DSCAM: variants seen among roughly 807,000 people sequenced by gnomAD.
The protein encoded by DSCAM is DS cell adhesion molecule.
Under a neutral mutation model 217.7 loss-of-function variants are expected in DSCAM, and 47 were observed. The ratio of observed to expected loss-of-function variants is 0.22; its 90% CI spans 0.17 to 0.28. The LOEUF (loss-of-function observed/expected upper bound fraction) is 0.28, where lower values mean the gene tolerates loss of function less well. Among genes scored for constraint, DSCAM ranks in the 10% least tolerant of loss-of-function variants. The pLI is 1.00. For synonymous variants in DSCAM, 1,056 were observed against 1,015.3 expected (o/e 1.04, Z -0.76); for missense variants, 2,080 against 2,618.3 (o/e 0.79, Z 4.49).
rs142018150 is a variant in DSCAM at position 40,640,654 on chromosome 21, G to C, written c.508+52156C>G. On this transcript the variant is annotated intron_variant, in intron 3 of 32. Transcript: ENST00000400454. ...GCTGGCGGAGGCTCTGGGAGCGCAGGTAAACAGGCCCAAGAGATGTGGAGA... is the reference window on the plus strand; with the variant it reads ...GCTGGCGGAGGCTCTGGGAGCGCAGCTAAACAGGCCCAAGAGATGTGGAGA... Among the ~76,000 whole-genome samples, 523 of 152,260 alleles carry C rather than the reference G, an allele frequency of 3.4e-3. 5 individuals carry two copies. The highest frequency in any genetic ancestry group is 0.011 in the African/African-American group (475 of 41,540).
intron 4 of DSCAM, among the ~76,000 whole-genome samples, chr21:40,359,321 C>T (rs182652784): frequency 3.4e-3 from 523 of 152,294 alleles, no homozygotes; most frequent in Non-Finnish European, 6.6e-3. Context: ...TCCTACAAAC[C>T]CACACATTTT....
chr21:40,061,569 C>CAAA (rs1223587491), intron 28 of DSCAM, among the ~76,000 whole-genome samples: 13 of 86,352 alleles, frequency 1.5e-4, no homozygotes, highest in Non-Finnish European at 3.4e-4. Context: ...AACTCTGTCC[C>CAAA]AAAAAAAAAA....
chr21:40,527,295 C>G (rs527385495), intron 3 of DSCAM, among the ~76,000 whole-genome samples: 1 of 152,320 alleles, frequency 6.6e-6, no homozygotes, highest in East Asian at 1.9e-4. Context: ...CTCCTCCTAT[C>G]AAGTCCCATA....
intron 3 of DSCAM, among the ~76,000 whole-genome samples, chr21:40,511,042 A>C (rs1384446913): frequency 6.6e-6 from 1 of 152,232 alleles, no homozygotes; most frequent in Admixed American, 6.5e-5. Flanking sequence ...ACCTTTAAAA[A>C]ATGTATCAGA....
At position 40,753,996 on chromosome 21, in the gene DSCAM, T is replaced by G. The variant is rs554601252; in HGVS notation, c.44-45225A>C. 5.8e-4 allele frequency among the ~76,000 whole-genome samples: 89 copies of G among 152,310 alleles called. No homozygotes were observed. In the South Asian group the frequency reaches 0.018, roughly 31 times the overall value. The stretch of plus-strand genomic sequence containing the variant: ...AATTGAAGGGGGTTGTGCAAGCATT[T>G]GACATTCTTTCAGTTGCTATGGGCA... On this transcript the variant is annotated intron_variant, in intron 1 of 32. Coordinates refer to ENST00000400454, the MANE Select transcript of DSCAM (RefSeq NM_001389.5).
chr21:40,750,682 G>A (rs949537468), intron 1 of DSCAM, among the ~76,000 whole-genome samples: 4 of 151,682 alleles, frequency 2.6e-5, no homozygotes, highest in South Asian at 2.1e-4. Flanking sequence ...ATCAGAAACC[G>A]AACATTCTTT....
intron 27 of DSCAM, among the ~76,000 whole-genome samples, chr21:40,070,769 A>G (rs1167448023): frequency 1.3e-5 from 2 of 152,204 alleles, no homozygotes; most frequent in Non-Finnish European, 2.9e-5. Context: ...ATGTCCTGTT[A>G]GTACTCAGAA....
intron 11 of DSCAM, among the ~76,000 whole-genome samples, chr21:40,213,801 A>C (rs7282613): frequency 6.6e-6 from 1 of 151,870 alleles, no homozygotes; most frequent in East Asian, 1.9e-4. Context: ...GGTTTTGACT[A>C]GGGGAATTTT....
intron 3 of DSCAM, among the ~76,000 whole-genome samples, chr21:40,572,719 T>G (rs1319432676): frequency 6.6e-6 from 1 of 152,182 alleles, no homozygotes; most frequent in Non-Finnish European, 1.5e-5. Flanking sequence ...CTTAAATGTG[T>G]ATGAACCTAA....
rs545355730 is a variant in DSCAM at position 40,712,902 on chromosome 21, C to T, written c.44-4131G>A. 5.3e-5 allele frequency among the ~76,000 whole-genome samples: 8 copies of T among 152,148 alleles called. No individual in the cohort carries two copies. In the East Asian group the frequency reaches 5.8e-4, roughly 11 times the overall value. ...TAGAGAGATGCTTACAAACTGTGGC[C>T]CCCCTTCCACTATGAACAGGAAAGC... On this transcript the variant is annotated intron_variant, in intron 1 of 32. Coordinates refer to ENST00000400454, the MANE Select transcript of DSCAM (RefSeq NM_001389.5).
At chr21:40,405,627 G>C (rs1374003843) in intron 3 of DSCAM, among the ~76,000 whole-genome samples, 1 of 152,122 alleles carries the variant, frequency 6.6e-6, no homozygotes, top group Non-Finnish European at 1.5e-5. Flanking sequence ...AAATACATAA[G>C]AGACTCAATA....
intron 10 of DSCAM, among the ~76,000 whole-genome samples, chr21:40,281,559 T>C (rs2073759948): frequency 6.6e-6 from 1 of 152,204 alleles, no homozygotes; most frequent in South Asian, 2.1e-4. Context: ...TAAAATATAT[T>C]ACCATATTTA....
At chr21:40,667,272 G>A (rs554541779) in intron 3 of DSCAM, among the ~76,000 whole-genome samples, 1 of 152,288 alleles carries the variant, frequency 6.6e-6, no homozygotes, top group Non-Finnish European at 1.5e-5. Context: ...CCTACAAGCT[G>A]AGTTCATGTT....
chr21:40,173,758 G>A (rs1239862169), intron 15 of DSCAM, among the ~76,000 whole-genome samples: 10 of 152,156 alleles, frequency 6.6e-5, no homozygotes, highest in Admixed American at 6.5e-4. Flanking sequence ...CCCGGAATGG[G>A]AGGAAAGATG....
chr21:40,196,229 T>C (rs907376101), intron 11 of DSCAM, among the ~76,000 whole-genome samples: 3 of 152,012 alleles, frequency 2.0e-5, no homozygotes, highest in Non-Finnish European at 2.9e-5. Flanking sequence ...AAAGGAAAGG[T>C]GAGGAAGGGG....
chr21:40,592,354 C>T (rs2076990133), intron 3 of DSCAM, among the ~76,000 whole-genome samples: 1 of 152,044 alleles, frequency 6.6e-6, no homozygotes, highest in Admixed American at 6.6e-5. Context: ...CTCATATGAG[C>T]TTGTATGTCT....
At chr21:40,074,666 T>C (rs1281762664) in intron 27 of DSCAM, among the ~76,000 whole-genome samples, 15 of 152,238 alleles carry the variant, frequency 9.9e-5, no homozygotes, top group Admixed American at 9.8e-4. Flanking sequence ...GTCAGTCAAG[T>C]AATTCTCATT....
At chr21:40,192,623 C>A (rs540792936) in intron 11 of DSCAM, among the ~76,000 whole-genome samples, 1 of 152,074 alleles carries the variant, frequency 6.6e-6, no homozygotes, top group East Asian at 1.9e-4. Flanking sequence ...ACACAATACC[C>A]GTATTACCTT....
chr21:40,558,916 T>A (rs1215353102), intron 3 of DSCAM, among the ~76,000 whole-genome samples: 1 of 152,194 alleles, frequency 6.6e-6, no homozygotes, highest in Non-Finnish European at 1.5e-5. Context: ...GTAGATCTGA[T>A]AAGCATGCAG....
Sources: allele counts gnomAD v4.1 joint callset (sites outside exome capture counted in the v4.1 genomes callset), GRCh38; gene constraint gnomAD v4.1.1; transcripts MANE v1.5; gene names NCBI Gene and HGNC (gene_info 2026-07-23, HGNC 2026-07-21).